Variants in RFT1 observed in about 807,000 individuals in gnomAD.
The protein encoded by RFT1 is man(5)GlcNAc(2)-PP-dolichol translocation protein RFT1.
In RFT1, 43 loss-of-function variants were observed where a neutral mutation model predicts 62.2. That is an observed-to-expected ratio of 0.69 (90% confidence interval 0.54 to 0.89). The LOEUF is 0.89. Among genes scored for constraint, RFT1 ranks in the 40% least tolerant of loss-of-function variants. The pLI is 0.00. For missense variants in RFT1, 605 were observed against 649.9 expected, an observed-to-expected ratio of 0.93 and a Z score of 0.75; for synonymous variants, 262 against 264.6, an observed-to-expected ratio of 0.99 and a Z score of 0.10.
chr3:53,125,831 G>T, intron 2 of RFT1, 78 bp downstream of exon 2: 1 of 1,117,770 alleles, frequency 8.9e-7, no homozygotes, highest in Non-Finnish European at 1.3e-6. Flanking sequence ...ATCCAAGGAT[G>T]ACAAACAGGT....
chr3:53,113,377 T>C (rs1300946697), intron 6 of RFT1, among the ~76,000 whole-genome samples: 1 of 143,350 alleles, frequency 7.0e-6, no homozygotes, highest in Non-Finnish European at 1.6e-5. Context: ...CCAAAGTGAT[T>C]ACTTCTCAAT....
the RFT1 span, among the ~76,000 whole-genome samples, chr3:53,073,882 G>A: frequency 2.6e-5 from 4 of 152,196 alleles, no homozygotes; most frequent in Non-Finnish European, 4.4e-5. Context: ...ACAGGGCTTC[G>A]AAGTTCTGAC....
At chr3:53,128,270 C>A (rs946038028) in intron 1 of RFT1, among the ~76,000 whole-genome samples, 5 of 152,120 alleles carry the variant, frequency 3.3e-5, no homozygotes, top group African/African-American at 1.2e-4. Flanking sequence ...TGCACTCCAG[C>A]CTGAGCAACA....
At chr3:53,069,782 G>A in the RFT1 span, among the ~76,000 whole-genome samples, 2 of 152,180 alleles carry the variant, frequency 1.3e-5, no homozygotes, top group Admixed American at 6.5e-5. Flanking sequence ...GCACTGTGGC[G>A]GCCACTGCAG....
Position 53,099,371 on chromosome 3 carries a change from G to A in RFT1, c.1208+10C>T. 1 of 1,606,648 alleles carries A rather than the reference G, an allele frequency of 6.2e-7. No homozygotes were observed. The highest frequency in any genetic ancestry group is 8.5e-7 in the Non-Finnish European group (1 of 1,173,272). ...GCCATGATTAAAGGTGTACCTGCTA[G>A]GTTACCCACCTGTCGACCTCCTCTT... is the stretch of plus-strand genomic sequence containing the variant. On this transcript the variant is annotated intron_variant, in intron 11 of 12. Coordinates refer to ENST00000296292, the MANE Select transcript of RFT1 (RefSeq NM_052859.4).
downstream of RFT1, among the ~76,000 whole-genome samples, chr3:53,084,616 A>G (rs914668415): frequency 1.3e-5 from 2 of 152,186 alleles, no homozygotes; most frequent in Non-Finnish European, 2.9e-5. Context: ...CAAGGCCCCA[A>G]CCTGTGATGG....
chr3:53,068,141 G>A, the RFT1 span, among the ~76,000 whole-genome samples: 2,741 of 152,174 alleles, frequency 0.018, 91 homozygotes, highest in African/African-American at 0.062. Context: ...CCTGATGCAG[G>A]AGGGGACAGG....
chr3:53,123,926 T>C (rs1197410938), intron 2 of RFT1, 86 bp from the exon 3 acceptor site: 3 of 1,112,276 alleles, frequency 2.7e-6, no homozygotes, highest in South Asian at 1.3e-5. Context: ...AGGGAGGAGA[T>C]AAAGTCTTGG....
At chr3:53,126,873 T>C (rs1055254015) in intron 1 of RFT1, among the ~76,000 whole-genome samples, 1 of 152,248 alleles carries the variant, frequency 6.6e-6, no homozygotes, top group African/African-American at 2.4e-5. Flanking sequence ...ATCACTTCTG[T>C]GTCAAGCACC....
chr3:53,099,538 T>A, intron 10 of RFT1, 52 bp from the exon 11 acceptor site: 4 of 1,421,040 alleles, frequency 2.8e-6, no homozygotes, highest in Non-Finnish European at 4.0e-6. Flanking sequence ...AAGGCCCACA[T>A]GTACCCTCAG....
chr3:53,126,194 G>A (rs925017178), intron 1 of RFT1, among the ~76,000 whole-genome samples, 200 bp from the exon 2 acceptor site: 1 of 152,124 alleles, frequency 6.6e-6, no homozygotes, highest in Non-Finnish European at 1.5e-5. Context: ...CAGCACTCCC[G>A]TGCAGTAGTC....
intron 11 of RFT1, among the ~76,000 whole-genome samples, chr3:53,098,602 A>G (rs1478286473): frequency 6.6e-6 from 1 of 152,068 alleles, no homozygotes. Flanking sequence ...GGAGATCGAG[A>G]CCAACCTGGC....
intron 7 of RFT1, among the ~76,000 whole-genome samples, chr3:53,110,473 G>T (rs1429525939): frequency 6.6e-6 from 1 of 152,146 alleles, no homozygotes; most frequent in African/African-American, 2.4e-5. Flanking sequence ...CCCCGAGAAG[G>T]CCTCGGAACG....
chr3:53,072,980 G>A, the RFT1 span, among the ~76,000 whole-genome samples: 68 of 152,352 alleles, frequency 4.5e-4, 1 homozygote, highest in East Asian at 8.7e-3. Flanking sequence ...GCCGAGGCTG[G>A]CCCCATGAGC....
intron 11 of RFT1, among the ~76,000 whole-genome samples, chr3:53,098,575 G>A (rs1701212133): frequency 6.6e-6 from 1 of 152,060 alleles, no homozygotes; most frequent in Non-Finnish European, 1.5e-5. Flanking sequence ...GGCCAAGGCG[G>A]GAGAATCACA....
chr3:53,074,991 C>T, the RFT1 span, among the ~76,000 whole-genome samples: 9 of 152,242 alleles, frequency 5.9e-5, no homozygotes, highest in East Asian at 3.9e-4. Context: ...GTGAGGGCCC[C>T]GAGTCAACCC....
intron 11 of RFT1, among the ~76,000 whole-genome samples, chr3:53,096,653 A>G (rs1461712926): frequency 1.3e-5 from 2 of 152,104 alleles, no homozygotes; most frequent in African/African-American, 2.4e-5. Flanking sequence ...ACTGTACTCC[A>G]GCCTGGGCCA....
At chr3:53,129,182 C>T (rs1295465704) in intron 1 of RFT1, among the ~76,000 whole-genome samples, 1 of 152,198 alleles carries the variant, frequency 6.6e-6, no homozygotes, top group African/African-American at 2.4e-5. Context: ...GTGCAAGGCA[C>T]TCTTCAACAT....
the RFT1 span, among the ~76,000 whole-genome samples, chr3:53,067,197 T>A: frequency 6.6e-6 from 1 of 151,708 alleles, no homozygotes; most frequent in African/African-American, 2.4e-5. Flanking sequence ...ATAGAAAAAA[T>A]CAGCCGGGCA....
Sources: allele counts gnomAD v4.1 joint callset (sites outside exome capture counted in the v4.1 genomes callset), GRCh38; gene constraint gnomAD v4.1.1; transcripts MANE v1.5; gene names NCBI Gene and HGNC (gene_info 2026-07-23, HGNC 2026-07-21).